Variants in YTHDC2 observed in about 807,000 individuals in gnomAD.
YTHDC2 encodes 3'-5' RNA helicase YTHDC2.
Under a neutral mutation model 174.9 loss-of-function variants are expected in YTHDC2, and 45 were observed. That is an observed-to-expected ratio of 0.26 (90% CI 0.20 to 0.33). The LOEUF is 0.33. Among genes scored for constraint, YTHDC2 ranks in the 10% least tolerant of loss-of-function variants. The probability of loss-of-function intolerance (pLI) is 1.00; values close to 1 mark genes in which losing one functional copy is unlikely to be tolerated. For synonymous variants in YTHDC2, 657 were observed against 574.5 expected, an observed-to-expected ratio of 1.14 and a Z score of -2.05; for missense variants, 1,650 against 1,723.7, an observed-to-expected ratio of 0.96 and a Z score of 0.76.
intron 18 of YTHDC2, among the ~76,000 whole-genome samples, chr5:113,561,952 TTGTGGGTGTGTGTGTGTG>T (rs1318386256): frequency 9.8e-6 from 1 of 102,534 alleles, no homozygotes; most frequent in Non-Finnish European, 2.0e-5. Flanking sequence ...CCTCTATTAA[TTGTGGGTGTGTGTGTGTG>T]TGTGTGTGTG....
At chr5:113,524,321 C>T (rs75816652) in intron 2 of YTHDC2, among the ~76,000 whole-genome samples, 6,371 of 152,212 alleles carry the variant, frequency 0.042, 203 homozygotes, top group African/African-American at 0.091. Context: ...AAGATATGCT[C>T]AGTCCTGGAC....
chr5:113,530,588 T>A (rs1774587601), intron 4 of YTHDC2, among the ~76,000 whole-genome samples: 1 of 152,152 alleles, frequency 6.6e-6, no homozygotes, highest in Non-Finnish European at 1.5e-5. Flanking sequence ...TTGCTGTCAT[T>A]CATTTCACTT....
At chr5:113,577,402 G>A (rs888720882) in intron 23 of YTHDC2, among the ~76,000 whole-genome samples, 1 of 152,008 alleles carries the variant, frequency 6.6e-6, no homozygotes, top group Non-Finnish European at 1.5e-5. Context: ...CAGAGTCTTG[G>A]TCTGTCCCTC....
intron 12 of YTHDC2, among the ~76,000 whole-genome samples, chr5:113,551,150 A>G (rs531090856): frequency 2.2e-3 from 342 of 152,204 alleles, no homozygotes; most frequent in Non-Finnish European, 3.3e-3. Flanking sequence ...AATTCTTGGT[A>G]GGTTTAAATG....
intron 18 of YTHDC2, 141 bp from the exon 19 acceptor site, chr5:113,563,232 G>C (rs897542617): frequency 6.2e-6 from 4 of 646,984 alleles, no homozygotes; most frequent in Non-Finnish European, 9.5e-6. Context: ...TTTACAGAAA[G>C]ACATTGTTCC....
At chr5:113,570,914 A>G (rs1049804951) in intron 23 of YTHDC2, among the ~76,000 whole-genome samples, 24 of 152,236 alleles carry the variant, frequency 1.6e-4, no homozygotes, top group Admixed American at 8.5e-4. Flanking sequence ...CGGCCTCCCA[A>G]TGTGCTGGGA....
chr5:113,577,544 A>G (rs1460372000), intron 23 of YTHDC2, among the ~76,000 whole-genome samples: 5 of 151,814 alleles, frequency 3.3e-5, no homozygotes, highest in African/African-American at 7.3e-5. Flanking sequence ...TAATGTTCAT[A>G]TTTTTTGTAG....
chr5:113,533,178 A>G lies in YTHDC2; in HGVS notation c.842+133A>G, dbSNP rs1410062557. ...GCTCCAAGTAAGTCTACATCAAGAT[A>G]TTAAAGTCATGTCTAAATCTAGAGT... On this transcript the variant is annotated intron_variant, in intron 5 of 29. Transcript: ENST00000161863. 13 of 936,396 alleles carry G rather than the reference A, an allele frequency of 1.4e-5. No homozygotes were observed. In the African/African-American group the frequency reaches 1.5e-4, roughly 11 times the overall value. 58.0% of individuals were successfully genotyped at this position (936,396 alleles called of 1,614,324 possible).
At chr5:113,590,786 G>T (rs1265728959) in intron 26 of YTHDC2, among the ~76,000 whole-genome samples, 2 of 152,162 alleles carry the variant, frequency 1.3e-5, no homozygotes, top group Non-Finnish European at 2.9e-5. Flanking sequence ...TATATTTGAG[G>T]TATAAACCAA....
rs1480670308 is a variant in YTHDC2, at chr5:113,561,170, G to A, written c.2307G>A (p.Leu769=). The A allele has an allele frequency of 1.2e-6, 2 of 1,612,834 alleles. No individual in the cohort carries two copies. Among genetic ancestry groups the A allele is most frequent in the South Asian group, 2.2e-5 (2 of 90,808 alleles). Reference sequence around the variant, plus strand: ...TGGAATTTCAGACTCCGGAACTTTTGAGAATGCCATTACAGGTAAAAATTT... The same window carrying A: ...TGGAATTTCAGACTCCGGAACTTTTAAGAATGCCATTACAGGTAAAAATTT... ...NMLEFQTPEL[L]RMPLQELCLH... Residue 769 remains leucine (L), a synonymous_variant, in exon 18 of 30, where the codon TTG becomes TTA. Coordinates refer to ENST00000161863, the MANE Select transcript of YTHDC2 (RefSeq NM_022828.5).
intron 26 of YTHDC2, among the ~76,000 whole-genome samples, chr5:113,589,408 A>AAAAAATATATATATAT (rs368975720): frequency 4.9e-5 from 6 of 123,234 alleles, no homozygotes; most frequent in African/African-American, 2.0e-4. Context: ...AAAAAAAAAA[A>AAAAAATATATATATAT]ATATATATAT....
chr5:113,578,455 T>G (rs935455873), intron 23 of YTHDC2, among the ~76,000 whole-genome samples: 1 of 152,218 alleles, frequency 6.6e-6, no homozygotes, highest in Non-Finnish European at 1.5e-5. Context: ...CATTTGTTCA[T>G]ATAATCAGAA....
At position 113,513,864 on chromosome 5, in the gene YTHDC2, C is replaced by T. The variant is rs762084604; in HGVS notation, c.-32C>T. 2 of 1,564,688 alleles carry T rather than the reference C, an allele frequency of 1.3e-6. No homozygotes were observed. The highest frequency in any genetic ancestry group is 1.2e-5 in the South Asian group (1 of 84,454). On this transcript the variant is annotated 5_prime_UTR_variant, in exon 1 of 30. Coordinates refer to ENST00000161863, the MANE Select transcript of YTHDC2 (RefSeq NM_022828.5). The stretch of plus-strand genomic sequence containing the variant: ...GGCTGTCAGCTAGCAGGCCTGGCCG[C>T]TCCCGTGCGGAGAGACCATCTCTTC...
chr5:113,567,073 T>TG lies in YTHDC2; in HGVS notation c.2843-17dup. On this transcript the variant is annotated intron_variant, in intron 21 of 29. Transcript: ENST00000161863. ...CTTTTGCACAATAGAAAAATTGGTG[T>TG]GGTTTTTTTCCCCTCTAGGTTTTGT... The TG allele has an allele frequency of 6.2e-7, 1 of 1,600,600 alleles. No homozygotes were observed.
chr5:113,522,117 G>A (rs1456235643), intron 2 of YTHDC2, among the ~76,000 whole-genome samples: 4 of 146,720 alleles, frequency 2.7e-5, no homozygotes, highest in African/African-American at 9.9e-5. Context: ...GGCATCAAAT[G>A]AATGCCTGTT....
At chr5:113,549,133 T>A in intron 12 of YTHDC2, 113 bp downstream of exon 12, 1 of 893,400 alleles carries the variant, frequency 1.1e-6, no homozygotes, top group Non-Finnish European at 1.6e-6. Context: ...ATCCAGAGAT[T>A]TTTTTTTGTG....
At chr5:113,590,160 A>G (rs573582935) in intron 26 of YTHDC2, among the ~76,000 whole-genome samples, 22 of 152,128 alleles carry the variant, frequency 1.4e-4, no homozygotes, top group Non-Finnish European at 2.6e-4. Context: ...TGTTTCTTAT[A>G]ATTTTGTTGG....
In YTHDC2 at chr5:113,567,850, G is replaced by T; in HGVS notation, c.3244+1G>T. 1 of 1,498,956 alleles carries T rather than the reference G, an allele frequency of 6.7e-7. No individual in the cohort carries two copies. The highest frequency in any genetic ancestry group is 8.9e-7 in the Non-Finnish European group (1 of 1,123,048). The allele number at this position is 1,498,956 out of a possible 1,614,324, so 92.9% of individuals were successfully genotyped here. A position where few individuals can be genotyped will look rare whatever the true frequency, so the allele number is the denominator to read the frequency against. On this transcript the variant is annotated splice_donor_variant, in intron 23 of 29. Transcript: ENST00000161863. LOFTEE classifies it high-confidence loss of function. Reference sequence around the variant, plus strand: ...CTTCAGGAACCTTCATCCTTTAGAGGTAAATGTATTAAGGAAATAAAAATC... The same window carrying T: ...CTTCAGGAACCTTCATCCTTTAGAGTTAAATGTATTAAGGAAATAAAAATC...
intron 18 of YTHDC2, among the ~76,000 whole-genome samples, chr5:113,561,957 G>GGGGTGT (rs1554099023): frequency 5.3e-4 from 72 of 134,874 alleles, no homozygotes; most frequent in Non-Finnish European, 7.0e-4. Context: ...ATTAATTGTG[G>GGGGTGT]GTGTGTGTGT....
Sources: allele counts gnomAD v4.1 joint callset (sites outside exome capture counted in the v4.1 genomes callset), GRCh38; gene constraint gnomAD v4.1.1; transcripts MANE v1.5; gene names NCBI Gene and HGNC (gene_info 2026-07-23, HGNC 2026-07-21).